PCDHGB5: variants seen among roughly 807,000 people sequenced by gnomAD.
The protein encoded by PCDHGB5 is protocadherin gamma subfamily B, 5, also known as protocadherin gamma-B5.
PCDHGB5 carries 48 observed loss-of-function variants against 62.9 expected under a neutral mutation model. The ratio of observed to expected loss-of-function variants is 0.76; its 90% CI spans 0.61 to 0.97. PCDHGB5 has a LOEUF of 0.97. PCDHGB5 is among the 50% of genes least tolerant of loss of function. The pLI, the probability that PCDHGB5 is intolerant of heterozygous loss-of-function variation, is 0.00. For missense variants in PCDHGB5, 1,118 were observed against 1,198.6 expected, an observed-to-expected ratio of 0.93 and a Z score of 0.99; for synonymous variants, 474 against 511.2, an observed-to-expected ratio of 0.93 and a Z score of 0.98.
rs772043134 is a variant in PCDHGB5, at chr5:141,432,746, G to A, written c.2397+32222G>A. 1.2e-6 allele frequency: 2 copies of A among 1,614,098 alleles called. No homozygotes were observed. Among genetic ancestry groups the A allele is most frequent in the East Asian group, 4.5e-5 (2 of 44,860 alleles). On this transcript the variant is annotated intron_variant, in intron 1 of 3. Coordinates refer to ENST00000617380, the MANE Select transcript of PCDHGB5 (RefSeq NM_018925.3). The surrounding 1 kb of genome is among the most constrained non-coding windows in gnomAD (Gnocchi z 6.0). ...CTCCGCCACTGTCACGCTCACCGTGGCCGTGGCCGACAGCATCCCCCAAGT... is the reference window on the plus strand; with the variant it reads ...CTCCGCCACTGTCACGCTCACCGTGACCGTGGCCGACAGCATCCCCCAAGT...
At chr5:141,405,567 G>A in intron 1 of PCDHGB5, 2 of 608,222 alleles carry the variant, frequency 3.3e-6, no homozygotes, top group Non-Finnish European at 5.8e-6. Context: ...TGGGACTAGA[G>A]TAGAGTAGCT....
At chr5:141,508,859 G>C (rs1268915304) in intron 3 of PCDHGB5, among the ~76,000 whole-genome samples, 1 of 152,086 alleles carries the variant, frequency 6.6e-6, no homozygotes, top group Non-Finnish European at 1.5e-5. Flanking sequence ...CCCAGGCTGG[G>C]AAAGGCTGAA....
Position 141,431,364 on chromosome 5 carries a change from G to T in PCDHGB5, c.2397+30840G>T, listed in dbSNP as rs773688069. 3 of 1,613,892 alleles carry T rather than the reference G, an allele frequency of 1.9e-6. No individual in the cohort carries two copies. The East Asian group carries it at 6.7e-5, about 36-fold the overall frequency. ...TTGGTGCTGAAACGCGCCCTGGACC[G>T]CGAAGAAAAGGCTGCTCACCACCTG... On this transcript the variant is annotated intron_variant, in intron 1 of 3. Coordinates refer to ENST00000617380, the MANE Select transcript of PCDHGB5 (RefSeq NM_018925.3). The surrounding 1 kb of genome is among the most constrained non-coding windows in gnomAD (Gnocchi z 4.8).
At chr5:141,428,122 G>T in intron 1 of PCDHGB5, 1 of 1,606,172 alleles carries the variant, frequency 6.2e-7, no homozygotes, top group Non-Finnish European at 8.5e-7. Flanking sequence ...ATCGAGCCCG[G>T]GCTTTTCAGC....
At chr5:141,415,282 G>A in intron 1 of PCDHGB5, 1 of 1,614,224 alleles carries the variant, frequency 6.2e-7, no homozygotes, top group Non-Finnish European at 8.5e-7. Flanking sequence ...AGCGGTGGCC[G>A]CGGTCTCCTG....
At chr5:141,452,854 A>G (rs137963870) in intron 1 of PCDHGB5, among the ~76,000 whole-genome samples, 109 of 152,264 alleles carry the variant, frequency 7.2e-4, no homozygotes, top group African/African-American at 2.5e-3. Flanking sequence ...CTCTGGGGAG[A>G]TGATTTTCTA....
chr5:141,493,694 G>A lies in PCDHGB5; in HGVS notation c.2398-1113G>A, dbSNP rs929897875. On this transcript the variant is annotated intron_variant, in intron 1 of 3. Transcript: ENST00000617380. This position sits in a 1 kb window ranked among gnomAD's most constrained non-coding sequence, Gnocchi z 4.3. ...CCCCAGAATGGTGCTGGTGACTCCC[G>A]ATACACCTGGAATGCTAGGTTTCTG... Among the ~76,000 whole-genome samples the A allele has an allele frequency of 5.9e-5, 9 of 152,130 alleles. No individual in the cohort carries two copies. Among genetic ancestry groups the A allele is most frequent in the African/African-American group, 9.7e-5 (4 of 41,404 alleles).
intron 1 of PCDHGB5, chr5:141,409,000 C>CACTG: frequency 6.2e-7 from 1 of 1,613,950 alleles, no homozygotes; most frequent in Non-Finnish European, 8.5e-7. Flanking sequence ...AAGTGACAGC[C>CACTG]ACTGACCAGG....
At chr5:141,452,380 G>A (rs1003689226) in intron 1 of PCDHGB5, among the ~76,000 whole-genome samples, 2 of 152,192 alleles carry the variant, frequency 1.3e-5, no homozygotes, top group Admixed American at 1.3e-4. Context: ...GTAGGGAATA[G>A]TATTTAGAAA....
Position 141,432,951 on chromosome 5 carries a change from G to T in PCDHGB5, c.2397+32427G>T, listed in dbSNP as rs758046420. 1.2e-6 allele frequency: 2 copies of T among 1,614,178 alleles called. No individual in the cohort carries two copies. The highest frequency in any genetic ancestry group is 4.5e-5 in the East Asian group (2 of 44,858). On this transcript the variant is annotated intron_variant, in intron 1 of 3. Coordinates refer to ENST00000617380, the MANE Select transcript of PCDHGB5 (RefSeq NM_018925.3). This position sits in a 1 kb window ranked among gnomAD's most constrained non-coding sequence, Gnocchi z 6.0. ...CGCCTGCTGCAGGCTTCAGGAGGCGGCTTGACAGGAGCGCCGGCGTCGCAC... is the reference window on the plus strand; with the variant it reads ...CGCCTGCTGCAGGCTTCAGGAGGCGTCTTGACAGGAGCGCCGGCGTCGCAC...
chr5:141,399,563 T>G lies in PCDHGB5; in HGVS notation c.1436T>G (p.Leu479Trp). 1 of 1,614,054 alleles carries G rather than the reference T, an allele frequency of 6.2e-7. No homozygotes were observed. The highest frequency in any genetic ancestry group is 8.5e-7 in the Non-Finnish European group (1 of 1,179,896). ...QVCASDLDLGLNGQVSYSIMA... is the reference protein window; with the variant it reads ...QVCASDLDLGWNGQVSYSIMA... ...TGCGCCTCGGACCTGGACTTGGGGT[T>G]GAACGGCCAAGTCTCCTACTCTATC... The change falls in exon 1 of 4, where the codon TTG (leucine) becomes TGG (tryptophan). Residue 479 changes from leucine (L) to tryptophan (W), a missense_variant. Coordinates refer to ENST00000617380, the MANE Select transcript of PCDHGB5 (RefSeq NM_018925.3).
At position 141,399,330 on chromosome 5, in the gene PCDHGB5, A is replaced by T; in HGVS notation, c.1203A>T (p.Val401=). Reference sequence around the variant, plus strand: ...CATCCAAAAATTCGTATAAGTTGGTAACAGATGGAACCCTAGACCGAGAGC... The same window carrying T: ...CATCCAAAAATTCGTATAAGTTGGTTACAGATGGAACCCTAGACCGAGAGC... The part of the protein sequence containing the change: ...ISSSKNSYKL[V]TDGTLDREQT... The change falls in exon 1 of 4, where the codon GTA becomes GTT. Residue 401 remains valine, a synonymous_variant. Transcript: ENST00000617380. 6.2e-7 allele frequency: 1 copy of T among 1,613,994 alleles called. No individual in the cohort carries two copies. Among genetic ancestry groups the T allele is most frequent in the Non-Finnish European group, 8.5e-7 (1 of 1,179,898 alleles).
At chr5:141,426,538 C>T (rs1038881219) in intron 1 of PCDHGB5, 2 of 346,308 alleles carry the variant, frequency 5.8e-6, no homozygotes, top group Non-Finnish European at 1.2e-5. Context: ...TGGGAACATA[C>T]TTGTGAGTGA....
chr5:141,410,090 C>G (rs369832481), intron 1 of PCDHGB5: 3 of 1,612,358 alleles, frequency 1.9e-6, no homozygotes, highest in South Asian at 2.2e-5. Context: ...GCGCACGGCT[C>G]GAGCCTTAGG....
intron 1 of PCDHGB5, chr5:141,405,033 T>C (rs753061273): frequency 6.8e-6 from 11 of 1,613,844 alleles, no homozygotes; most frequent in Admixed American, 1.7e-5. Context: ...CTCTACCTCG[T>C]TGTGGCTGTG....
chr5:141,447,966 A>C (rs2098556806), intron 1 of PCDHGB5, among the ~76,000 whole-genome samples: 1 of 151,922 alleles, frequency 6.6e-6, no homozygotes, highest in Non-Finnish European at 1.5e-5. Context: ...GACACCTATA[A>C]TCCCAGCTAC....
In PCDHGB5 at chr5:141,486,675, A is replaced by T; in HGVS notation, c.2398-8132A>T. On this transcript the variant is annotated intron_variant, in intron 1 of 3. Coordinates refer to ENST00000617380, the MANE Select transcript of PCDHGB5 (RefSeq NM_018925.3). The surrounding 1 kb of genome is among the most constrained non-coding windows in gnomAD (Gnocchi z 5.0). ...TCACTCCTGGAGCCCAGGAATCGAGATGTATCAGCTTCCTCTTTCATCTCT... is the reference window on the plus strand; with the variant it reads ...TCACTCCTGGAGCCCAGGAATCGAGTTGTATCAGCTTCCTCTTTCATCTCT... The T allele has an allele frequency of 6.2e-7, 1 of 1,614,056 alleles. No individual in the cohort carries two copies. The highest frequency in any genetic ancestry group is 8.5e-7 in the Non-Finnish European group (1 of 1,180,016).
chr5:141,496,215 T>C (rs2099767024), intron 2 of PCDHGB5, among the ~76,000 whole-genome samples: 3 of 152,114 alleles, frequency 2.0e-5, no homozygotes, highest in Non-Finnish European at 4.4e-5. Context: ...TATGAATTCC[T>C]GCTGAGACAG....
At position 141,399,738 on chromosome 5, in the gene PCDHGB5, G is replaced by T; in HGVS notation, c.1611G>T (p.Ala537=). The T allele has an allele frequency of 1.2e-6, 2 of 1,613,268 alleles. No individual in the cohort carries two copies. Among genetic ancestry groups the T allele is most frequent in the South Asian group, 2.2e-5 (2 of 91,064 alleles). Reference sequence around the variant, plus strand: ...AGGCCCGCGACCAGGGCTCGCCTGCGCTCAGCGCAAACGTGAGCCTGCGCG... The same window carrying T: ...AGGCCCGCGACCAGGGCTCGCCTGCTCTCAGCGCAAACGTGAGCCTGCGCG... ...TLQARDQGSP[A]LSANVSLRVL... The change falls in exon 1 of 4, where the codon GCG becomes GCT. Residue 537 remains alanine, a synonymous_variant. Coordinates refer to ENST00000617380, the MANE Select transcript of PCDHGB5 (RefSeq NM_018925.3).
Sources: gnomAD v4.1 joint callset for allele counts (sites outside exome capture counted in the v4.1 genomes callset) on GRCh38, gnomAD v4.1.1 for gene constraint, Gnocchi (gnomAD v3.1) non-coding constraint, MANE v1.5 for transcripts, NCBI Gene and HGNC (gene_info 2026-07-23, HGNC 2026-07-21) for gene names.